Variants in DTWD2 observed in about 807,000 individuals in gnomAD.
DTWD2 encodes the protein tRNA-uridine aminocarboxypropyltransferase 2.
In DTWD2, 39 loss-of-function variants were observed where a neutral mutation model predicts 31.8. The ratio of observed to expected loss-of-function variants is 1.22; its 90% CI spans 0.95 to 1.60. The LOEUF is 1.60. Among genes scored for constraint, DTWD2 ranks in the 40% most tolerant of loss-of-function variants. DTWD2 has a pLI of 0.00. For missense variants in DTWD2, 515 were observed against 381.5 expected (o/e 1.35, Z -2.92); for synonymous variants, 180 against 142.8 (o/e 1.26, Z -1.86).
rs150000699 is a variant in DTWD2 at position 118,931,292 on chromosome 5, A to G, written c.405-2563T>C. On this transcript the variant is annotated intron_variant, in intron 3 of 5. Coordinates refer to ENST00000510708, the MANE Select transcript of DTWD2 (RefSeq NM_173666.4). ...CACCTATGGTCCCAGCTACTCGGGA[A>G]GCGGAGGCAGGAGAATCGCTTGAGC... is the stretch of plus-strand genomic sequence containing the variant. Among the ~76,000 whole-genome samples the G allele has an allele frequency of 3.0e-3, 458 of 151,818 alleles. 2 individuals are homozygous for G. Among genetic ancestry groups the G allele is most frequent in the African/African-American group, 0.011 (438 of 41,406 alleles).
In DTWD2 at chr5:118,988,392, C is replaced by G; in HGVS notation, c.120G>C (p.Ala40=). Residue 40 remains alanine (A), a synonymous_variant, in exon 1 of 6, where the codon GCG becomes GCC. Transcript: ENST00000510708. ...CGTCCGCCTCTGCGCCCAGGGCAGCCGCCGCCGGCACTGCGCCGCCCTCCC... is the reference window on the plus strand; with the variant it reads ...CGTCCGCCTCTGCGCCCAGGGCAGCGGCCGCCGGCACTGCGCCGCCCTCCC... ...ERREGGAVPA[A]AALGAEADDD... 8 of 1,591,866 alleles carry G rather than the reference C, an allele frequency of 5.0e-6. No individual in the cohort carries two copies. The highest frequency in any genetic ancestry group is 6.8e-6 in the Non-Finnish European group (8 of 1,171,722).
At chr5:118,927,477 C>T (rs892661913) in intron 4 of DTWD2, among the ~76,000 whole-genome samples, 2 of 151,800 alleles carry the variant, frequency 1.3e-5, no homozygotes, top group African/African-American at 4.8e-5. Flanking sequence ...TAGAGAAACC[C>T]CTTTTGAATC....
chr5:118,872,670 A>C (rs556640061), intron 4 of DTWD2, among the ~76,000 whole-genome samples: 19 of 152,316 alleles, frequency 1.2e-4, no homozygotes, highest in African/African-American at 4.3e-4. Context: ...CTGATCACAG[A>C]CCACCACCAT....
At chr5:118,863,143 A>G (rs1235925085) in intron 4 of DTWD2, among the ~76,000 whole-genome samples, 1 of 152,214 alleles carries the variant, frequency 6.6e-6, no homozygotes, top group African/African-American at 2.4e-5. Context: ...ACAAGTGGAC[A>G]CTGCGTTACG....
chr5:118,947,541 T>C (rs1294210577), intron 1 of DTWD2, among the ~76,000 whole-genome samples: 2 of 152,164 alleles, frequency 1.3e-5, no homozygotes, highest in African/African-American at 4.8e-5. Flanking sequence ...TACAGCTGCC[T>C]TTCCTCCTCT....
At chr5:118,970,109 C>G (rs1754950834) in intron 1 of DTWD2, among the ~76,000 whole-genome samples, 1 of 152,100 alleles carries the variant, frequency 6.6e-6, no homozygotes, top group African/African-American at 2.4e-5. Context: ...CTTTCTAAAA[C>G]AGGACAGAAA....
chr5:118,875,556 A>C (rs1752601061), intron 4 of DTWD2, among the ~76,000 whole-genome samples: 1 of 126,638 alleles, frequency 7.9e-6, no homozygotes, highest in Non-Finnish European at 1.6e-5. Context: ...TTGCAATCCT[A>C]GTTTCTGAAA....
chr5:118,843,371 G>GAGGAAGGAAGGAAGGA (rs1554060661), intron 5 of DTWD2, among the ~76,000 whole-genome samples: 74 of 143,686 alleles, frequency 5.2e-4, no homozygotes, highest in African/African-American at 1.1e-3. Context: ...GGGAGGAAGG[G>GAGGAAGGAAGGAAGGA]AGGAAGGAAG....
intron 4 of DTWD2, among the ~76,000 whole-genome samples, chr5:118,881,598 T>C (rs906388057): frequency 6.6e-6 from 1 of 152,074 alleles, no homozygotes; most frequent in African/African-American, 2.4e-5. Flanking sequence ...AGGTAACTTA[T>C]AAAAGAAAAA....
chr5:118,875,764 T>C lies in DTWD2; in HGVS notation c.598-27546A>G, dbSNP rs148330096. 2.7e-3 allele frequency among the ~76,000 whole-genome samples: 414 copies of C among 152,114 alleles called. 1 individual carries two copies. Among genetic ancestry groups the C allele is most frequent in the African/African-American group, 9.5e-3 (395 of 41,482 alleles). Reference sequence around the variant, plus strand: ...GACTTAGACTTCCACACAATAATAGTGGAGACTTTAACACCCCACGGACAA... The same window carrying C: ...GACTTAGACTTCCACACAATAATAGCGGAGACTTTAACACCCCACGGACAA... On this transcript the variant is annotated intron_variant, in intron 4 of 5. Transcript: ENST00000510708.
chr5:118,858,523 T>C (rs780512080), intron 4 of DTWD2, among the ~76,000 whole-genome samples: 10 of 152,222 alleles, frequency 6.6e-5, no homozygotes, highest in Non-Finnish European at 1.3e-4. Flanking sequence ...TTTGTATTAC[T>C]GAACTTTTCA....
intron 1 of DTWD2, among the ~76,000 whole-genome samples, chr5:118,957,406 G>C (rs1754610690): frequency 1.3e-5 from 2 of 151,972 alleles, no homozygotes; most frequent in South Asian, 2.1e-4. Context: ...ATTTTTAGTA[G>C]AGATGGGGTT....
chr5:118,983,907 T>C (rs1476359723), intron 1 of DTWD2, among the ~76,000 whole-genome samples: 1 of 152,150 alleles, frequency 6.6e-6, no homozygotes, highest in African/African-American at 2.4e-5. Flanking sequence ...CCCAGTACCT[T>C]GGGAGGCTGA....
chr5:118,903,666 G>T (rs1753265135), intron 4 of DTWD2, among the ~76,000 whole-genome samples: 1 of 151,760 alleles, frequency 6.6e-6, no homozygotes, highest in Admixed American at 6.5e-5. Flanking sequence ...TTCTTTAAAA[G>T]CTCATTAAGT....
rs1484893556 is a variant in DTWD2, at chr5:118,915,282, A to G, written c.597+13255T>C. ...GTATCATGTTTAGTGATCAGGTACT[A>G]GAAGGCTTTCACTAAAATCAGAAAT... On this transcript the variant is annotated intron_variant, in intron 4 of 5. Transcript: ENST00000510708. 2.0e-5 allele frequency among the ~76,000 whole-genome samples: 3 copies of G among 152,218 alleles called. No individual in the cohort carries two copies. The East Asian group carries it at 5.8e-4, about 29-fold the overall frequency.
chr5:118,906,092 G>A (rs1348445520), intron 4 of DTWD2, among the ~76,000 whole-genome samples: 1 of 152,160 alleles, frequency 6.6e-6, no homozygotes, highest in East Asian at 1.9e-4. Flanking sequence ...CACATGAAAA[G>A]ATGTTCCACA....
chr5:118,878,473 T>C (rs891424853), intron 4 of DTWD2, among the ~76,000 whole-genome samples: 8 of 152,162 alleles, frequency 5.3e-5, no homozygotes, highest in Non-Finnish European at 1.0e-4. Context: ...AGAAGATTGA[T>C]ACTGGACCCC....
rs569073515 is a variant in DTWD2, at chr5:118,839,492, C to G, written c.*1425G>C. On this transcript the variant is annotated 3_prime_UTR_variant, in exon 6 of 6. Coordinates refer to ENST00000510708, the MANE Select transcript of DTWD2 (RefSeq NM_173666.4). ...ACCTTAGCCTCCCAAGTAGCTAGGA[C>G]TACAAGTGCACACCACCACATCTGG... 1 of 151,982 alleles carries G rather than the reference C, an allele frequency of 6.6e-6. No individual in the cohort carries two copies. The highest frequency in any genetic ancestry group is 2.4e-5 in the African/African-American group (1 of 41,450). 9.4% of individuals were successfully genotyped at this position (151,982 alleles called of 1,614,324 possible). A position where few individuals can be genotyped will look rare whatever the true frequency, so the allele number is the denominator to read the frequency against.
intron 4 of DTWD2, among the ~76,000 whole-genome samples, chr5:118,898,375 T>A (rs992023879): frequency 2.6e-5 from 4 of 151,864 alleles, no homozygotes; most frequent in African/African-American, 9.7e-5. Flanking sequence ...ATAAATTTTA[T>A]GGCCGAGCAC....
Sources: allele counts gnomAD v4.1 joint callset (sites outside exome capture counted in the v4.1 genomes callset), GRCh38; gene constraint gnomAD v4.1.1; transcripts MANE v1.5; gene names NCBI Gene and HGNC (gene_info 2026-07-23, HGNC 2026-07-21).